The following SF1 variants were observed in gnomAD, a reference collection of about 807,000 sequenced individuals.
SF1 encodes the protein splicing factor 1.
SF1 carries 7 observed loss-of-function variants against 62.5 expected under a neutral mutation model. The observed-to-expected ratio is 0.11, with a 90% CI of 0.06 to 0.21. The LOEUF (loss-of-function observed/expected upper bound fraction) is 0.21. SF1 is among the 10% of genes least tolerant of loss of function. The probability of loss-of-function intolerance (pLI) is 1.00; values close to 1 mark genes in which losing one functional copy is unlikely to be tolerated. For missense variants in SF1, 578 were observed against 884.0 expected, an observed-to-expected ratio of 0.65 and a Z score of 4.39; for synonymous variants, 394 against 323.6, an observed-to-expected ratio of 1.22 and a Z score of -2.33.
chr11:64,775,838 C>T (rs896804960), intron 2 of SF1, among the ~76,000 whole-genome samples: 2 of 152,282 alleles, frequency 1.3e-5, no homozygotes, highest in South Asian at 2.1e-4. Flanking sequence ...CCTTTTTATC[C>T]TAGCACTTCA....
chr11:64,773,718 C>T (rs1938675807), intron 2 of SF1, among the ~76,000 whole-genome samples: 1 of 152,122 alleles, frequency 6.6e-6, no homozygotes, highest in South Asian at 2.1e-4. Flanking sequence ...ATGGTTATCA[C>T]TTAAGGAAGC....
At chr11:64,777,732 G>T in intron 1 of SF1, 2 of 985,596 alleles carry the variant, frequency 2.0e-6, no homozygotes, top group African/African-American at 1.7e-5. Context: ...ATACAGTTGC[G>T]CCGCACAGCC....
intron 3 of SF1, chr11:64,772,412 T>TAA (rs1314454384): frequency 1.0e-6 from 1 of 984,740 alleles, no homozygotes; most frequent in Non-Finnish European, 1.2e-6. Context: ...GCAAATGTAG[T>TAA]AAGTCAAATT....
chr11:64,767,499 G>A (rs2058763407), intron 10 of SF1, 72 bp downstream of exon 10: 8 of 1,445,038 alleles, frequency 5.5e-6, no homozygotes, highest in Non-Finnish European at 6.5e-6. Flanking sequence ...GCTGCTTCTA[G>A]CCAACAGCGA....
chr11:64,766,362 C>T, intron 12 of SF1: 1 of 589,394 alleles, frequency 1.7e-6, no homozygotes, highest in South Asian at 2.0e-5. Context: ...CTGGGCTTAA[C>T]AGAGTAAGCC....
chr11:64,778,179 G>A lies in SF1; in HGVS notation c.31+183C>T, dbSNP rs917387570. 3.1e-6 allele frequency: 3 copies of A among 968,682 alleles called. No homozygotes were observed. Among genetic ancestry groups the A allele is most frequent in the African/African-American group, 3.5e-5 (2 of 57,368 alleles). 60.0% of individuals were successfully genotyped at this position (968,682 alleles called of 1,614,324 possible). A position where few individuals can be genotyped will look rare whatever the true frequency, so the allele number is the denominator to read the frequency against. ...GGAGGCGGAGGGGGCGGCGGCGGAG[G>A]CGGCGGAGGCAGCGCCGCGAAGGGG... On this transcript the variant is annotated intron_variant, in intron 1 of 12. Transcript: ENST00000377390.
intron 1 of SF1, 88 bp downstream of exon 1, chr11:64,778,273 CG>C (rs1800264814): frequency 8.3e-7 from 1 of 1,209,900 alleles, no homozygotes. Flanking sequence ...CCAGCAGCCC[CG>C]CCCCAGGCCC....
rs2058517521 is a variant in SF1, at chr11:64,764,660, T to C, written c.*1158A>G. 1 of 152,588 alleles carries C rather than the reference T, an allele frequency of 6.6e-6. No individual in the cohort carries two copies. The highest frequency in any genetic ancestry group is 1.5e-5 in the Non-Finnish European group (1 of 68,078). 9.5% of individuals were successfully genotyped at this position (152,588 alleles called of 1,614,324 possible). A position where few individuals can be genotyped will look rare whatever the true frequency, so the allele number is the denominator to read the frequency against. ...ATGGAACATCCCCGCTTTAGCGCAG[T>C]GTTGAATCTAACACCGAAAAAAGCC... On this transcript the variant is annotated 3_prime_UTR_variant, in exon 13 of 13. Coordinates refer to ENST00000377390, the MANE Select transcript of SF1 (RefSeq NM_004630.4).
Position 64,765,836 on chromosome 11 carries a change from C to T in SF1, c.1902G>A (p.Pro634=), listed in dbSNP as rs370589377. The change falls in exon 13 of 13, where the codon CCG becomes CCA. Residue 634 remains proline (P), a synonymous_variant. Transcript: ENST00000377390. ...PPFGMPPAPP[P]PPPQN ...AACAAGTCTAGTTCTGTGGTGGAGG[C>T]GGTGGGGGAGCTGGAGGCATCCCGA... The T allele has an allele frequency of 5.2e-6, 8 of 1,551,644 alleles. No homozygotes were observed. Among genetic ancestry groups the T allele is most frequent in the African/African-American group, 2.7e-5 (2 of 73,130 alleles).
At chr11:64,767,143 C>G (rs1234261494) in intron 11 of SF1, 49 bp downstream of exon 11, 4 of 1,612,672 alleles carry the variant, frequency 2.5e-6, no homozygotes, top group Non-Finnish European at 3.4e-6. Flanking sequence ...CCAGAACCCC[C>G]ACTCACCCAA....
chr11:64,765,044 C>G lies in SF1; in HGVS notation c.*774G>C, dbSNP rs1160186170. 6.4e-6 allele frequency: 1 copy of G among 155,058 alleles called. No homozygotes were observed. Among genetic ancestry groups the G allele is most frequent in the Non-Finnish European group, 1.4e-5 (1 of 69,944 alleles). 9.6% of individuals were successfully genotyped at this position (155,058 alleles called of 1,614,324 possible). ...CTGGAGATGAACCTACCCTCGGCAA[C>G]TTTACAAGACTCCCTTGACAAGGGT... On this transcript the variant is annotated 3_prime_UTR_variant, in exon 13 of 13. Coordinates refer to ENST00000377390, the MANE Select transcript of SF1 (RefSeq NM_004630.4).
chr11:64,771,785 A>G (rs1479498689), intron 3 of SF1: 1 of 985,022 alleles, frequency 1.0e-6, no homozygotes, highest in Non-Finnish European at 1.2e-6. Flanking sequence ...CAAAATAACA[A>G]TAAAGTGGCT....
At chr11:64,769,738 C>T in intron 5 of SF1, 129 bp from the exon 6 acceptor site, 2 of 892,514 alleles carry the variant, frequency 2.2e-6, no homozygotes, top group Non-Finnish European at 3.5e-6. Flanking sequence ...CCAAGAGCTC[C>T]ATGAACTCTA....
chr11:64,768,084 G>C (rs759416428), intron 9 of SF1, 22 bp downstream of exon 9: 24 of 1,596,666 alleles, frequency 1.5e-5, no homozygotes, highest in South Asian at 1.2e-4. Context: ...GCCAGACCAA[G>C]AGAGCCAGCC....
At chr11:64,766,467 C>T (rs1179730936) in intron 12 of SF1, 3 of 481,416 alleles carry the variant, frequency 6.2e-6, no homozygotes, top group Admixed American at 3.9e-5. Context: ...CACCACCGAA[C>T]GGCACATTCA....
chr11:64,765,316 G>A lies in SF1; in HGVS notation c.*502C>T, dbSNP rs2058565654. ...AAGGAAAAGATAAAGAAGTAACAAA[G>A]GAAAAAGAAAAAAATTAATAAAAAT... On this transcript the variant is annotated 3_prime_UTR_variant, in exon 13 of 13. Transcript: ENST00000377390. The A allele has an allele frequency of 3.0e-6, 2 of 663,892 alleles. No homozygotes were observed. Among genetic ancestry groups the A allele is most frequent in the Non-Finnish European group, 5.4e-6 (2 of 372,406 alleles). 41.1% of individuals were successfully genotyped at this position (663,892 alleles called of 1,614,324 possible).
intron 12 of SF1, 30 bp from the exon 13 acceptor site, chr11:64,766,185 C>G (rs374998400): frequency 6.3e-7 from 1 of 1,585,820 alleles, no homozygotes; most frequent in Non-Finnish European, 8.6e-7. Flanking sequence ...CAAGGTCACA[C>G]GCGCGGGGGC....
rs987137427 is a variant in SF1 at position 64,765,926 on chromosome 11, C to T, written c.1812G>A (p.Pro604=). Residue 604 remains proline, a synonymous_variant, in exon 13 of 13, where the codon CCG becomes CCA. Coordinates refer to ENST00000377390, the MANE Select transcript of SF1 (RefSeq NM_004630.4). ...GMMYAPPPPP[P]PPMDPSNFVT... ...CAAAGTTAGAAGGGTCCATGGGAGG[C>T]GGAGGAGGAGGGGGCGGGGCATACA... 17 of 1,485,916 alleles carry T rather than the reference C, an allele frequency of 1.1e-5. No individual in the cohort carries two copies. The Admixed American group carries it at 1.3e-4, about 11-fold the overall frequency. 92.0% of individuals were successfully genotyped at this position (1,485,916 alleles called of 1,614,324 possible).
chr11:64,778,135 A>AGGC (rs890538994), intron 1 of SF1: 7 of 751,488 alleles, frequency 9.3e-6, no homozygotes, highest in Non-Finnish European at 1.2e-5. Flanking sequence ...GTGGCGGTGG[A>AGGC]GGCGGCGGCG....
Sources: allele counts gnomAD v4.1 joint callset (sites outside exome capture counted in the v4.1 genomes callset), GRCh38; gene constraint gnomAD v4.1.1; transcripts MANE v1.5; gene names NCBI Gene and HGNC (gene_info 2026-07-23, HGNC 2026-07-21).